SKAP1: variants seen among roughly 807,000 people sequenced by gnomAD.
The protein encoded by SKAP1 is src kinase-associated phosphoprotein 1.
Under a neutral mutation model 58.5 loss-of-function variants are expected in SKAP1, and 44 were observed. The ratio of observed to expected loss-of-function variants is 0.75; its 90% CI spans 0.59 to 0.97. SKAP1 has a LOEUF of 0.97. SKAP1 is among the 50% of genes least tolerant of loss of function. SKAP1 has a pLI of 0.00. For synonymous variants in SKAP1, 127 were observed against 149.7 expected (o/e 0.85, Z 1.11); for missense variants, 390 against 435.2 (o/e 0.90, Z 0.92).
At chr17:48,189,721 G>A (rs1267800035) in intron 4 of SKAP1, among the ~76,000 whole-genome samples, 1 of 150,992 alleles carries the variant, frequency 6.6e-6, no homozygotes, top group Admixed American at 6.6e-5. Context: ...CACCCAGGCT[G>A]GAGTATACAA....
chr17:48,170,712 C>CTT (rs377407749), intron 9 of SKAP1, 53 bp from the exon 10 acceptor site: 1,919 of 1,095,112 alleles, frequency 1.8e-3, no homozygotes, highest in South Asian at 3.2e-3. Flanking sequence ...GTCTCATGTT[C>CTT]TTTTTTTTTT....
chr17:48,247,747 C>T (rs1230726342), intron 4 of SKAP1, among the ~76,000 whole-genome samples: 2 of 152,142 alleles, frequency 1.3e-5, no homozygotes, highest in Non-Finnish European at 2.9e-5. Context: ...ACTATAGATG[C>T]ATACTCGATG....
At chr17:48,273,496 G>A (rs973880840) in intron 4 of SKAP1, among the ~76,000 whole-genome samples, 39 of 148,028 alleles carry the variant, frequency 2.6e-4, no homozygotes, top group African/African-American at 6.7e-4. Context: ...ATCTCAGCTC[G>A]ATCTCCGCCT....
intron 4 of SKAP1, among the ~76,000 whole-genome samples, chr17:48,286,793 C>T (rs1402849558): frequency 6.6e-6 from 1 of 152,174 alleles, no homozygotes; most frequent in South Asian, 2.1e-4. Context: ...TCATATTGCT[C>T]ATCTTAATCA....
chr17:48,244,769 C>A (rs140463706), intron 4 of SKAP1, among the ~76,000 whole-genome samples: 4 of 152,102 alleles, frequency 2.6e-5, no homozygotes, highest in Non-Finnish European at 1.5e-5. Context: ...AAAGAAGATG[C>A]GTTCACAGGG....
At chr17:48,395,704 T>G (rs1202519533) in intron 2 of SKAP1, among the ~76,000 whole-genome samples, 1 of 152,208 alleles carries the variant, frequency 6.6e-6, no homozygotes, top group African/African-American at 2.4e-5. Flanking sequence ...AGGCTGATAA[T>G]TACACAGTCC....
chr17:48,440,474 G>C, the SKAP1 span, among the ~76,000 whole-genome samples: 2 of 152,190 alleles, frequency 1.3e-5, no homozygotes, highest in Admixed American at 1.3e-4. Context: ...CTTATACAAA[G>C]AGCAGCTGTG....
intron 4 of SKAP1, among the ~76,000 whole-genome samples, chr17:48,236,413 A>G (rs2065181276): frequency 6.6e-6 from 1 of 152,246 alleles, no homozygotes. Flanking sequence ...ATTGGAATAT[A>G]CACTATGTAG....
At chr17:48,361,843 A>C (rs1398926690) in intron 3 of SKAP1, among the ~76,000 whole-genome samples, 1 of 152,036 alleles carries the variant, frequency 6.6e-6, no homozygotes, top group East Asian at 1.9e-4. Context: ...TCTTTTCATA[A>C]TCTTAAATTG....
chr17:48,401,871 T>A (rs1261853999), intron 1 of SKAP1, among the ~76,000 whole-genome samples: 3 of 152,176 alleles, frequency 2.0e-5, no homozygotes, highest in Non-Finnish European at 4.4e-5. Flanking sequence ...TTGCAAATCA[T>A]ATAGCTGATG....
rs79684222 is a variant in SKAP1 at position 48,200,849 on chromosome 17, C to G, written c.281-11349G>C. ...CCCTTTCATAGAGAGCAGTGCAATT[C>G]ATTATTTGTATACTTGTTTCTCTTT... On this transcript the variant is annotated intron_variant, in intron 4 of 12. Transcript: ENST00000336915. 4.7e-3 allele frequency among the ~76,000 whole-genome samples: 716 copies of G among 152,310 alleles called. 3 individuals carry two copies. The highest frequency in any genetic ancestry group is 0.016 in the African/African-American group (671 of 41,558).
chr17:48,383,691 C>T (rs1384958636), intron 2 of SKAP1, among the ~76,000 whole-genome samples: 1 of 150,136 alleles, frequency 6.7e-6, no homozygotes, highest in Admixed American at 6.7e-5. Flanking sequence ...AACTGAATAT[C>T]CTTCAACTCT....
At chr17:48,153,877 C>T (rs942033322) in intron 11 of SKAP1, among the ~76,000 whole-genome samples, 1 of 149,938 alleles carries the variant, frequency 6.7e-6, no homozygotes, top group Non-Finnish European at 1.5e-5. Context: ...ACCTCCTTTC[C>T]CTCAGAGCCC....
intron 9 of SKAP1, among the ~76,000 whole-genome samples, chr17:48,179,655 G>T (rs2064340657): frequency 6.6e-6 from 1 of 152,106 alleles, no homozygotes. Flanking sequence ...TCAGAGTTTT[G>T]AAATCCTTCA....
chr17:48,189,670 G>T (rs1407199121), intron 4 of SKAP1, among the ~76,000 whole-genome samples, 170 bp from the exon 5 acceptor site: 1 of 151,150 alleles, frequency 6.6e-6, no homozygotes, highest in African/African-American at 2.4e-5. Flanking sequence ...AAATTTTCTT[G>T]CTTTTTCTTT....
intron 1 of SKAP1, among the ~76,000 whole-genome samples, chr17:48,411,289 A>G (rs1004612383): frequency 1.3e-5 from 2 of 151,860 alleles, no homozygotes; most frequent in African/African-American, 4.8e-5. Context: ...AATCCCAGAT[A>G]CTCGAGAGGC....
At chr17:48,426,672 C>T (rs888734526) in intron 1 of SKAP1, among the ~76,000 whole-genome samples, 1 of 152,180 alleles carries the variant, frequency 6.6e-6, no homozygotes, top group Non-Finnish European at 1.5e-5. Context: ...CCTCCTCTTT[C>T]AATAAAGCAG....
At chr17:48,257,628 C>CT (rs56225931) in intron 4 of SKAP1, among the ~76,000 whole-genome samples, 3,720 of 111,030 alleles carry the variant, frequency 0.034, 136 homozygotes, top group African/African-American at 0.097. Flanking sequence ...TTCTTTCTTT[C>CT]TTTTTTTTTT....
upstream of SKAP1, among the ~76,000 whole-genome samples, chr17:48,433,701 A>G (rs1220321132): frequency 6.6e-6 from 1 of 152,228 alleles, no homozygotes; most frequent in African/African-American, 2.4e-5. Flanking sequence ...AGAGATGTAG[A>G]ACAGCCAGGA....
Sources: allele counts gnomAD v4.1 joint callset (sites outside exome capture counted in the v4.1 genomes callset), GRCh38; gene constraint gnomAD v4.1.1; transcripts MANE v1.5; gene names NCBI Gene and HGNC (gene_info 2026-07-23, HGNC 2026-07-21).